The following MGA variants were observed in gnomAD, a reference collection of about 807,000 sequenced individuals.
MGA encodes MAX gene-associated protein.
A neutral mutation model predicts 261.1 loss-of-function variants in MGA; 40 were observed. The observed-to-expected ratio is 0.15, with a 90% CI of 0.12 to 0.20. The LOEUF is 0.20. Ranked by LOEUF, MGA falls within the 10% of genes least tolerant of loss-of-function variation. The pLI, the probability that MGA is intolerant of heterozygous loss-of-function variation, is 1.00. For missense variants in MGA, 3,397 were observed against 3,630.5 expected, an observed-to-expected ratio of 0.94 and a Z score of 1.65; for synonymous variants, 1,302 against 1,290.6, an observed-to-expected ratio of 1.01 and a Z score of -0.19.
chr15:41,679,749 TTG>T (rs2058572552), intron 2 of MGA, among the ~76,000 whole-genome samples: 1 of 152,074 alleles, frequency 6.6e-6, no homozygotes, highest in South Asian at 2.1e-4. Context: ...TGCGTTTTTT[TTG>T]TGTGTATATG....
Position 41,711,231 on chromosome 15 carries a change from C to A in MGA, c.2966C>A (p.Ser989Tyr), listed in dbSNP as rs968820237. The change falls in exon 8 of 24, where the codon TCT (serine) becomes TAT (tyrosine). Residue 989 changes from serine to tyrosine, a missense_variant. By Grantham distance (144) the Ser-to-Tyr change is moderately radical. Around this residue, in one of 9 missense-constraint regions of MGA, gnomAD observed 519 missense variants for 554.1 expected, o/e 0.94. Coordinates refer to ENST00000219905, the MANE Select transcript of MGA (RefSeq NM_001164273.2). ...CAGGGAAGTCGCCCTCCAGGCTTGT[C>A]TAAATCTCAGGTGAAGCTAATGGAC... 6.2e-7 allele frequency: 1 copy of A among 1,613,890 alleles called. No homozygotes were observed. The highest frequency in any genetic ancestry group is 8.5e-7 in the Non-Finnish European group (1 of 1,179,902).
chr15:41,767,325 A>C lies in MGA; in HGVS notation c.*45A>C, dbSNP rs1485082231. The C allele has an allele frequency of 6.5e-7, 1 of 1,535,290 alleles. No homozygotes were observed. Among genetic ancestry groups the C allele is most frequent in the Non-Finnish European group, 8.8e-7 (1 of 1,137,322 alleles). On this transcript the variant is annotated 3_prime_UTR_variant, in exon 24 of 24. Coordinates refer to ENST00000219905, the MANE Select transcript of MGA (RefSeq NM_001164273.2). ...GAAGCCAGGCTGTGAGGGGAAATAG[A>C]TCTCACCTCCTTTCTCTGCAGGCAT...
At chr15:41,657,668 G>A (rs1251723133), upstream of MGA, among the ~76,000 whole-genome samples, 1 of 111,050 alleles carries the variant, frequency 9.0e-6, no homozygotes, top group Non-Finnish European at 1.9e-5. Flanking sequence ...AGGACTTTTT[G>A]TAAAAACAAA....
At chr15:41,675,787 T>A (rs574213378) in intron 2 of MGA, among the ~76,000 whole-genome samples, 1 of 151,816 alleles carries the variant, frequency 6.6e-6, no homozygotes, top group Non-Finnish European at 1.5e-5. Context: ...TTTAAAAAAA[T>A]TATAGCTGTA....
At chr15:41,715,415 T>G (rs1463600665) in intron 9 of MGA, among the ~76,000 whole-genome samples, 1 of 152,140 alleles carries the variant, frequency 6.6e-6, no homozygotes, top group Non-Finnish European at 1.5e-5. Context: ...CCCAAAGGGC[T>G]TGGTTTCTGT....
rs1052165272 is a variant in MGA, at chr15:41,709,117, C to T, written c.2425+909C>T. ...CTACCAGCACTTTGGGAGGCCGAAG[C>T]AAGCGGATTGCCTGAGCTCAGGAAT... On this transcript the variant is annotated intron_variant, in intron 7 of 23. Transcript: ENST00000219905. Among the ~76,000 whole-genome samples the T allele has an allele frequency of 5.9e-5, 9 of 152,194 alleles. No individual in the cohort carries two copies. In the East Asian group the frequency reaches 1.7e-3, roughly 30 times the overall value.
At position 41,740,155 on chromosome 15, in the gene MGA, C is replaced by A. The variant is rs779785984; in HGVS notation, c.4537C>A (p.Arg1513Ser). The A allele has an allele frequency of 3.6e-5, 58 of 1,613,866 alleles. No homozygotes were observed. The highest frequency in any genetic ancestry group is 2.2e-5 in the Non-Finnish European group (26 of 1,179,878). ...ATCCTCCTCTGGCACTGCAACAAATCGCCCTGGGAAGAATCTGAAGGCGTT... is the reference window on the plus strand; with the variant it reads ...ATCCTCCTCTGGCACTGCAACAAATAGCCCTGGGAAGAATCTGAAGGCGTT... The change falls in exon 14 of 24, where the codon CGC becomes AGC. Residue 1513 changes from arginine (R) to serine (S), a missense_variant. Coordinates refer to ENST00000219905, the MANE Select transcript of MGA (RefSeq NM_001164273.2).
At chr15:41,665,785 C>T (rs2057699523) in intron 1 of MGA, among the ~76,000 whole-genome samples, 1 of 152,210 alleles carries the variant, frequency 6.6e-6, no homozygotes, top group Non-Finnish European at 1.5e-5. Context: ...CCAGTTACCC[C>T]TTCCCCTGAA....
chr15:41,705,849 C>T (rs2060080317), intron 5 of MGA, among the ~76,000 whole-genome samples: 1 of 152,158 alleles, frequency 6.6e-6, no homozygotes, highest in African/African-American at 2.4e-5. Context: ...TGTTTTGACT[C>T]ATTATCCTAT....
rs375278041 is a variant in MGA at position 41,710,793 on chromosome 15, G to A, written c.2528G>A (p.Gly843Asp). ...GGCAAGCTGATGGAAACAAGCATGG[G>A]TTTTTCTTCTAATGCTCCCACATCT... The change falls in exon 8 of 24, where the codon GGT becomes GAT. Residue 843 changes from glycine (G) to aspartate (D), a missense_variant. Coordinates refer to ENST00000219905, the MANE Select transcript of MGA (RefSeq NM_001164273.2). The A allele has an allele frequency of 4.5e-5, 72 of 1,613,800 alleles. No homozygotes were observed. The African/African-American group carries it at 8.3e-4, about 19-fold the overall frequency.
intron 3 of MGA, 78 bp from the exon 4 acceptor site, chr15:41,698,785 G>C: frequency 2.6e-6 from 3 of 1,163,072 alleles, no homozygotes; most frequent in Non-Finnish European, 3.6e-6. Context: ...TGGTCTTTAA[G>C]TTTTTTTTAA....
intron 14 of MGA, 147 bp downstream of exon 14, chr15:41,740,350 ATTGT>A (rs904284961): frequency 6.2e-5 from 55 of 885,332 alleles, no homozygotes; most frequent in Admixed American, 1.5e-4. Flanking sequence ...GACTTTTTTG[ATTGT>A]TTGGGGTTAA....
rs572014509 is a variant in MGA at position 41,752,285 on chromosome 15, T to C, written c.7008+1670T>C. ...ATATTGGTTATTTGAGTACCTCCAT[T>C]GTCTCATTTATAAAGGAGGATCTTG... On this transcript the variant is annotated intron_variant, in intron 17 of 23. Coordinates refer to ENST00000219905, the MANE Select transcript of MGA (RefSeq NM_001164273.2). 2.6e-5 allele frequency: 4 copies of C among 152,224 alleles called. No individual in the cohort carries two copies. In the East Asian group the frequency reaches 7.8e-4, roughly 30 times the overall value. 9.4% of individuals were successfully genotyped at this position (152,224 alleles called of 1,614,324 possible). A position where few individuals can be genotyped will look rare whatever the true frequency, so the allele number is the denominator to read the frequency against.
At position 41,760,396 on chromosome 15, in the gene MGA, C is replaced by A; in HGVS notation, c.7265C>A (p.Ala2422Asp). ...CTACAGAAAGAAGCAGAAGCGTTTG[C>A]TTATTATCGCCGGACACACACTGCC... is the stretch of plus-strand genomic sequence containing the variant. Residue 2422 changes from alanine (A) to aspartate (D), a missense_variant, in exon 20 of 24, where the codon GCT becomes GAT. Coordinates refer to ENST00000219905, the MANE Select transcript of MGA (RefSeq NM_001164273.2). 6.2e-7 allele frequency: 1 copy of A among 1,613,984 alleles called. No individual in the cohort carries two copies. The highest frequency in any genetic ancestry group is 8.5e-7 in the Non-Finnish European group (1 of 1,179,888).
chr15:41,670,817 T>G (rs1401303290), intron 2 of MGA, among the ~76,000 whole-genome samples: 3 of 152,202 alleles, frequency 2.0e-5, no homozygotes, highest in African/African-American at 7.2e-5. Context: ...TAAGCAATAC[T>G]GTTTTAACAA....
intron 2 of MGA, among the ~76,000 whole-genome samples, chr15:41,670,573 T>G (rs1232548650): frequency 6.6e-6 from 1 of 152,178 alleles, no homozygotes; most frequent in African/African-American, 2.4e-5. Context: ...TGGCATGATC[T>G]CCGCTCACTG....
chr15:41,729,378 T>C (rs1476295562), intron 11 of MGA, 29 bp downstream of exon 11: 2 of 1,579,126 alleles, frequency 1.3e-6, no homozygotes, highest in East Asian at 2.2e-5. Context: ...AAGTTCTTTT[T>C]AACTTCTGAT....
intron 2 of MGA, among the ~76,000 whole-genome samples, chr15:41,672,609 G>A (rs950555507): frequency 2.0e-5 from 3 of 152,174 alleles, no homozygotes; most frequent in Admixed American, 6.5e-5. Context: ...CCAAGAAATA[G>A]CATTATCTTT....
In MGA at chr15:41,727,306, T is replaced by C. The variant is rs373999706; in HGVS notation, c.3557T>C (p.Leu1186Ser). 48 of 1,613,870 alleles carry C rather than the reference T, an allele frequency of 3.0e-5. No homozygotes were observed. The East Asian group carries it at 8.9e-4, about 30-fold the overall frequency. The change falls in exon 10 of 24, where the codon TTG becomes TCG. Residue 1186 changes from leucine (L) to serine (S), a missense_variant. Coordinates refer to ENST00000219905, the MANE Select transcript of MGA (RefSeq NM_001164273.2). ...TCTGTCATTGAGCCTATGAAACCAT[T>C]GTTATTGCCTCAGCCAGAAGTTTTA...
Sources: allele counts gnomAD v4.1 joint callset (sites outside exome capture counted in the v4.1 genomes callset), GRCh38; gene constraint gnomAD v4.1.1; regional missense constraint gnomAD v4.1.1; transcripts MANE v1.5; gene names NCBI Gene and HGNC (gene_info 2026-07-23, HGNC 2026-07-21).